Variants in MTAP observed in about 807,000 individuals in gnomAD.
MTAP encodes the protein methylthioadenosine phosphorylase.
In MTAP, 33 loss-of-function variants were observed where a neutral mutation model predicts 33.6. The observed-to-expected ratio is 0.98, with a 90% CI of 0.74 to 1.31. The LOEUF is 1.31. Ranked by LOEUF, MTAP falls within the 40% of genes most tolerant of loss-of-function variation. The pLI is 0.00. For synonymous variants in MTAP, 148 were observed against 125.7 expected, an observed-to-expected ratio of 1.18 and a Z score of -1.19; for missense variants, 367 against 360.0, an observed-to-expected ratio of 1.02 and a Z score of -0.16.
chr9:21,912,105 C>T (rs1240415428), intron 1 of MTAP, among the ~76,000 whole-genome samples: 1 of 152,126 alleles, frequency 6.6e-6, no homozygotes, highest in Non-Finnish European at 1.5e-5. Context: ...TCTGAATAGA[C>T]CAATAACAGG....
Position 21,922,074 on chromosome 9 carries a change from G to C in MTAP, c.148-8934G>C, listed in dbSNP as rs1303703672. Among the ~76,000 whole-genome samples, 1 of 152,060 alleles carries C rather than the reference G, an allele frequency of 6.6e-6. No homozygotes were observed. Among genetic ancestry groups the C allele is most frequent in the Non-Finnish European group, 1.5e-5 (1 of 68,024 alleles). ...CAATATATGGAAAACACTTGAAGCC[G>C]GTGGCCAACAGCTTCCCAATAAGGA... On this transcript the variant is annotated intron_variant, in intron 1 of 1. Transcript: ENST00000577563. The surrounding 1 kb of genome is among the most constrained non-coding windows in gnomAD (Gnocchi z 4.8).
chr9:21,860,552 C>T (rs1210810621), intron 7 of MTAP: 1 of 152,088 alleles, frequency 6.6e-6, no homozygotes, highest in Non-Finnish European at 1.5e-5. Flanking sequence ...CTCCTTTCCC[C>T]CATGAAGTGT....
At chr9:21,804,616 C>T (rs1235298027) in intron 1 of MTAP, among the ~76,000 whole-genome samples, 1 of 152,166 alleles carries the variant, frequency 6.6e-6, no homozygotes, top group Non-Finnish European at 1.5e-5. Context: ...ACCGTATTCC[C>T]CAGACTTCTA....
chr9:21,825,387 C>T (rs1325987194), intron 4 of MTAP, among the ~76,000 whole-genome samples: 2 of 152,198 alleles, frequency 1.3e-5, no homozygotes, highest in Non-Finnish European at 2.9e-5. Flanking sequence ...CTTATACACT[C>T]TGAGATGGGA....
At chr9:21,820,222 C>G (rs925015867) in intron 4 of MTAP, among the ~76,000 whole-genome samples, 4 of 152,154 alleles carry the variant, frequency 2.6e-5, no homozygotes, top group Non-Finnish European at 4.4e-5. Flanking sequence ...TTCCCCATGC[C>G]TATGTCCTGA....
chr9:21,875,170 T>G (rs1825988123), intron 1 of MTAP, among the ~76,000 whole-genome samples: 1 of 152,190 alleles, frequency 6.6e-6, no homozygotes, highest in Non-Finnish European at 1.5e-5. Flanking sequence ...TAGAATGATT[T>G]ATAATCCTTT....
intron 7 of MTAP, chr9:21,859,824 A>C (rs1825718684): frequency 6.5e-6 from 1 of 154,706 alleles, no homozygotes; most frequent in African/African-American, 2.4e-5. Context: ...AAACTCTGAC[A>C]ATAGTACCAA....
intron 1 of MTAP, among the ~76,000 whole-genome samples, chr9:21,917,490 T>G (rs1279257072): frequency 1.3e-5 from 2 of 152,130 alleles, no homozygotes; most frequent in African/African-American, 4.8e-5. Context: ...ACTAAGAAAT[T>G]GTGATGCTTG....
intron 1 of MTAP, among the ~76,000 whole-genome samples, chr9:21,911,212 G>C (rs1818570635): frequency 6.6e-6 from 1 of 152,096 alleles, no homozygotes. Context: ...ATCAACATTA[G>C]ACAGATCAAT....
At chr9:21,826,624 A>ATTGTTG (rs200867666) in intron 4 of MTAP, among the ~76,000 whole-genome samples, 2 of 142,784 alleles carry the variant, frequency 1.4e-5, no homozygotes, top group Non-Finnish European at 3.0e-5. Flanking sequence ...TATTATTATT[A>ATTGTTG]TTATTATTAT....
intron 5 of MTAP, among the ~76,000 whole-genome samples, chr9:21,850,274 C>G (rs1177270587): frequency 6.6e-6 from 1 of 152,272 alleles, no homozygotes. Context: ...TGGAGATACT[C>G]CTTCTAAGGT....
chr9:21,838,140 T>C, intron 5 of MTAP, 130 bp downstream of exon 5: 2 of 670,860 alleles, frequency 3.0e-6, no homozygotes, highest in South Asian at 3.9e-5. Context: ...TATGCAAAGT[T>C]TTATGAAGAG....
At chr9:21,925,379 C>A (rs1818852666) in intron 1 of MTAP, among the ~76,000 whole-genome samples, 1 of 152,132 alleles carries the variant, frequency 6.6e-6, no homozygotes, top group South Asian at 2.1e-4. Context: ...AGCACTGGAC[C>A]CCAAAACCCT....
At chr9:21,917,665 C>T (rs1031937118) in intron 1 of MTAP, among the ~76,000 whole-genome samples, 3 of 152,120 alleles carry the variant, frequency 2.0e-5, no homozygotes, top group African/African-American at 7.2e-5. Flanking sequence ...AGTACCACCA[C>T]TATAGAAAGT....
chr9:21,867,136 A>G (rs781613053), downstream of MTAP: 13 of 152,102 alleles, frequency 8.5e-5, no homozygotes, highest in Admixed American at 1.3e-4. Flanking sequence ...TGTGTACACA[A>G]TCATGTCATA....
chr9:21,924,028 C>T (rs923121335), intron 1 of MTAP, among the ~76,000 whole-genome samples: 4 of 152,092 alleles, frequency 2.6e-5, no homozygotes, highest in African/African-American at 7.2e-5. Flanking sequence ...CTGGTAAGAC[C>T]GGTTTATTCT....
At chr9:21,815,389 A>C in intron 1 of MTAP, 44 bp from the exon 2 acceptor site, 1 of 1,328,908 alleles carries the variant, frequency 7.5e-7, no homozygotes, top group Non-Finnish European at 1.1e-6. Context: ...TTTCTAATAA[A>C]AATTACCAAA....
chr9:21,879,064 A>G (rs111247087), intron 1 of MTAP, among the ~76,000 whole-genome samples: 225 of 152,298 alleles, frequency 1.5e-3, no homozygotes, highest in Non-Finnish European at 2.4e-3. Flanking sequence ...GTAGAGGTCT[A>G]TTAGATCCAT....
intron 5 of MTAP, among the ~76,000 whole-genome samples, chr9:21,850,450 CAGG>C (rs1255205590): frequency 6.6e-6 from 1 of 152,182 alleles, no homozygotes; most frequent in Non-Finnish European, 1.5e-5. Flanking sequence ...GGGTCCAGAA[CAGG>C]AGAAGGCTCT....
Sources: allele counts gnomAD v4.1 joint callset (sites outside exome capture counted in the v4.1 genomes callset), GRCh38; gene constraint gnomAD v4.1.1; non-coding constraint Gnocchi (gnomAD v3.1); transcripts MANE v1.5; gene names NCBI Gene and HGNC (gene_info 2026-07-23, HGNC 2026-07-21).